IL1RAPL2: variants seen among roughly 807,000 people sequenced by gnomAD.
IL1RAPL2 encodes the protein interleukin 1 receptor accessory protein like 2, also known as X-linked interleukin-1 receptor accessory protein-like 2.
A neutral mutation model predicts 44.1 loss-of-function variants in IL1RAPL2; 3 were observed. That is an observed-to-expected ratio of 0.07 (90% CI 0.03 to 0.18). The LOEUF is 0.18. IL1RAPL2 is among the 10% of genes least tolerant of loss of function. The pLI is 1.00. For synonymous variants in IL1RAPL2, 181 were observed against 178.8 expected (o/e 1.01, Z -0.10); for missense variants, 391 against 496.4 (o/e 0.79, Z 2.02).
chrX:105,057,776 A>T lies in IL1RAPL2; in HGVS notation c.83-137699A>T, dbSNP rs772292839. Among the ~76,000 whole-genome samples the T allele has an allele frequency of 5.3e-3, 575 of 107,991 alleles. 3 individuals carry two copies. Among genetic ancestry groups the T allele is most frequent in the Middle Eastern group, 9.7e-3 (2 of 206 alleles). The allele number at this position is 107,991 out of a possible 115,157, so 93.8% of individuals were successfully genotyped here. On this transcript the variant is annotated intron_variant, in intron 2 of 10. Coordinates refer to ENST00000372582, the MANE Select transcript of IL1RAPL2 (RefSeq NM_017416.2). ...TTGGTTATTTTATTTTTATTTATTT[A>T]TTTTTTTTTAATTTATTTATTTTGA...
intron 6 of IL1RAPL2, among the ~76,000 whole-genome samples, chrX:105,523,085 A>G (rs2036570498): frequency 9.0e-6 from 1 of 111,514 alleles, no homozygotes. Context: ...GACCAAATCT[A>G]GGGTTCTAAC....
intron 2 of IL1RAPL2, among the ~76,000 whole-genome samples, chrX:104,811,768 T>TA (rs780407750): frequency 1.8e-5 from 2 of 110,786 alleles, no homozygotes; most frequent in Non-Finnish European, 3.8e-5. Flanking sequence ...GGGTATTGGG[T>TA]AAGGGAAGAA....
At chrX:104,760,651 A>G (rs1322391487) in intron 2 of IL1RAPL2, among the ~76,000 whole-genome samples, 1 of 111,555 alleles carries the variant, frequency 9.0e-6, no homozygotes, top group Non-Finnish European at 1.9e-5. Flanking sequence ...TTCCTATAGC[A>G]TAGTTTGAAC....
At chrX:105,215,358 A>C (rs1302970036) in intron 3 of IL1RAPL2, among the ~76,000 whole-genome samples, 2 of 112,221 alleles carry the variant, frequency 1.8e-5, no homozygotes, top group Non-Finnish European at 3.8e-5. Flanking sequence ...TAGAAAATCT[A>C]GAAGAAATGG....
intron 2 of IL1RAPL2, among the ~76,000 whole-genome samples, chrX:104,915,043 T>C (rs1431554962): frequency 8.9e-6 from 1 of 111,965 alleles, no homozygotes; most frequent in Non-Finnish European, 1.9e-5. Flanking sequence ...CATGTGTCTT[T>C]ATAGTAGCAT....
chrX:105,405,818 T>G (rs917671911), intron 5 of IL1RAPL2: 22 of 1,172,263 alleles, frequency 1.9e-5, no homozygotes, highest in Non-Finnish European at 2.3e-5. Context: ...TATATGGAAC[T>G]TTATCTGATT....
chrX:105,029,429 G>A (rs1426791358), intron 2 of IL1RAPL2, among the ~76,000 whole-genome samples: 5 of 73,829 alleles, frequency 6.8e-5, no homozygotes, highest in African/African-American at 2.8e-4. Flanking sequence ...AGTCCCCAGA[G>A]TGTGATGTTC....
At chrX:105,474,887 A>G (rs1459059825) in intron 5 of IL1RAPL2, among the ~76,000 whole-genome samples, 3 of 111,229 alleles carry the variant, frequency 2.7e-5, no homozygotes, top group Non-Finnish European at 3.8e-5. Context: ...AGTCTTAAAA[A>G]AAAACACGGA....
At chrX:105,688,962 A>T (rs1270323523) in intron 6 of IL1RAPL2, among the ~76,000 whole-genome samples, 2 of 111,936 alleles carry the variant, frequency 1.8e-5, no homozygotes, top group African/African-American at 6.5e-5. Flanking sequence ...GACAAAAACA[A>T]GAAAGGGGGA....
intron 5 of IL1RAPL2, among the ~76,000 whole-genome samples, chrX:105,441,718 C>T (rs1321838055): frequency 9.0e-6 from 1 of 111,675 alleles, no homozygotes; most frequent in Admixed American, 9.5e-5. Flanking sequence ...ATAAACATGA[C>T]CCTGACAAAT....
intron 2 of IL1RAPL2, among the ~76,000 whole-genome samples, chrX:105,077,752 C>CT (rs940269550): frequency 9.0e-6 from 1 of 111,238 alleles, no homozygotes; most frequent in African/African-American, 3.3e-5. Flanking sequence ...TCTTTTTATT[C>CT]TTTTTTTGTC....
At chrX:105,460,041 T>C (rs2036082745) in intron 5 of IL1RAPL2, among the ~76,000 whole-genome samples, 2 of 111,269 alleles carry the variant, frequency 1.8e-5, no homozygotes, top group African/African-American at 6.5e-5. Context: ...GCCAGCAGAT[T>C]GTCCAACAGC....
intron 2 of IL1RAPL2, among the ~76,000 whole-genome samples, chrX:104,676,054 A>G (rs1341598126): frequency 2.8e-5 from 3 of 107,846 alleles, no homozygotes; most frequent in Non-Finnish European, 5.8e-5. Flanking sequence ...TCTTTATCCA[A>G]TTTGCCAGTC....
At chrX:104,875,411 G>A in intron 2 of IL1RAPL2, among the ~76,000 whole-genome samples, 1 of 35 alleles carries the variant, frequency 0.029, no homozygotes, top group South Asian at 0.5. Context: ...AGAGAGAGAA[G>A]TAACTGGGAT....
At chrX:104,621,294 T>A (rs1170425901) in intron 1 of IL1RAPL2, among the ~76,000 whole-genome samples, 1 of 108,090 alleles carries the variant, frequency 9.3e-6, no homozygotes, top group Non-Finnish European at 1.9e-5. Context: ...AATATACATA[T>A]ATATGTGTGC....
At chrX:105,707,033 G>A (rs1265101396) in intron 6 of IL1RAPL2, among the ~76,000 whole-genome samples, 1 of 111,420 alleles carries the variant, frequency 9.0e-6, no homozygotes, top group Non-Finnish European at 1.9e-5. Context: ...TACAATTCAA[G>A]ATAAAATCCA....
chrX:104,951,724 A>C (rs1487881984), intron 2 of IL1RAPL2, among the ~76,000 whole-genome samples: 1 of 112,314 alleles, frequency 8.9e-6, no homozygotes, highest in African/African-American at 3.2e-5. Context: ...ATTACTCAAC[A>C]ACTAATTGTC....
At position 105,207,897 on chromosome X, in the gene IL1RAPL2, T is replaced by C. The variant is rs782160179; in HGVS notation, c.356+12149T>C. ...TTGATGGCTTTTATTCCATCATACA[T>C]GAGGGAAAGTGATACGTGCTATAGG... On this transcript the variant is annotated intron_variant, in intron 3 of 10. Transcript: ENST00000372582. 6.2e-5 allele frequency among the ~76,000 whole-genome samples: 7 copies of C among 112,132 alleles called. No individual in the cohort carries two copies. In the Admixed American group the frequency reaches 6.6e-4, roughly 11 times the overall value.
At position 105,603,641 on chromosome X, in the gene IL1RAPL2, C is replaced by T. The variant is rs188055346; in HGVS notation, c.773-113726C>T. ...TGGACAGATCTAGATAGAAAATCAACAAAGAGACATCAGTCTTAAATTACA... is the reference window on the plus strand; with the variant it reads ...TGGACAGATCTAGATAGAAAATCAATAAAGAGACATCAGTCTTAAATTACA... On this transcript the variant is annotated intron_variant, in intron 6 of 10. Transcript: ENST00000372582. Among the ~76,000 whole-genome samples, 20 of 111,479 alleles carry T rather than the reference C, an allele frequency of 1.8e-4. No individual in the cohort carries two copies. In the Admixed American group the frequency reaches 1.9e-3, roughly 11 times the overall value.
Sources: allele counts gnomAD v4.1 joint callset (sites outside exome capture counted in the v4.1 genomes callset), GRCh38; gene constraint gnomAD v4.1.1; transcripts MANE v1.5; gene names NCBI Gene and HGNC (gene_info 2026-07-23, HGNC 2026-07-21).